CFAP61: variants seen among roughly 807,000 people sequenced by gnomAD.
The protein encoded by CFAP61 is cilia and flagella associated protein 61.
CFAP61 carries 107 observed loss-of-function variants against 135.6 expected under a neutral mutation model. That is an observed-to-expected ratio of 0.79 (90% CI 0.67 to 0.93). The LOEUF is 0.93. Ranked by LOEUF, CFAP61 falls within the 40% of genes least tolerant of loss-of-function variation. The pLI, the probability that CFAP61 is intolerant of heterozygous loss-of-function variation, is 0.00. For synonymous variants in CFAP61, 575 were observed against 578.5 expected, an observed-to-expected ratio of 0.99 and a Z score of 0.09; for missense variants, 1,507 against 1,556.2, an observed-to-expected ratio of 0.97 and a Z score of 0.53.
rs766919114 is a variant in CFAP61 at position 20,199,782 on chromosome 20, C to G, written c.1812C>G (p.Tyr604Ter). The change falls in exon 17 of 27, where the codon TAC (tyrosine) becomes TAG (stop). Residue 604 changes from tyrosine (Y) to a stop codon, truncating the protein, a stop_gained. Coordinates refer to ENST00000245957, the MANE Select transcript of CFAP61 (RefSeq NM_015585.4). LOFTEE classifies it high-confidence loss of function. ...KSREGKFQNP[Y>*]AHSLTSALHY... Reference sequence around the variant, plus strand: ...CTGTCTTTCAGTTCCAGAACCCCTACGCCCACTCCCTGACATCTGCCCTTC... The same window carrying G: ...CTGTCTTTCAGTTCCAGAACCCCTAGGCCCACTCCCTGACATCTGCCCTTC... 1 of 1,614,018 alleles carries G rather than the reference C, an allele frequency of 6.2e-7. No homozygotes were observed. Among genetic ancestry groups the G allele is most frequent in the Admixed American group, 1.7e-5 (1 of 60,004 alleles).
rs528169295 is a variant in CFAP61 at position 20,162,213 on chromosome 20, A to G, written c.1027-1837A>G. ...GCTGCCTCCCTCTTAGCAGATCCCT[A>G]TGATTCCTCTGGGCCCACCCGGATC... is the stretch of plus-strand genomic sequence containing the variant. On this transcript the variant is annotated intron_variant, in intron 10 of 26. Transcript: ENST00000245957. Among the ~76,000 whole-genome samples, 295 of 152,168 alleles carry G rather than the reference A, an allele frequency of 1.9e-3. 1 individual carries two copies. The highest frequency in any genetic ancestry group is 2.9e-3 in the Non-Finnish European group (199 of 67,994).
At chr20:20,088,333 CTATT>C (rs1389294072) in intron 6 of CFAP61, among the ~76,000 whole-genome samples, 3 of 152,132 alleles carry the variant, frequency 2.0e-5, no homozygotes, top group African/African-American at 7.2e-5. Flanking sequence ...TGAGACTAGA[CTATT>C]TATGAAGGAA....
At chr20:20,084,871 A>T (rs552450745) in intron 6 of CFAP61, among the ~76,000 whole-genome samples, 1 of 152,282 alleles carries the variant, frequency 6.6e-6, no homozygotes, top group Admixed American at 6.5e-5. Context: ...GTTCAACTCC[A>T]TTTCACATGG....
intron 15 of CFAP61, among the ~76,000 whole-genome samples, chr20:20,192,700 TC>T (rs2056012035): frequency 6.6e-6 from 1 of 152,124 alleles, no homozygotes; most frequent in Admixed American, 6.5e-5. Context: ...TCATACTGTT[TC>T]CTGATGAGAC....
At chr20:20,317,301 TCACCCCTGGAGGGACTGTTC>T (rs1260791700) in intron 25 of CFAP61, among the ~76,000 whole-genome samples, 11 of 152,110 alleles carry the variant, frequency 7.2e-5, no homozygotes, top group Admixed American at 2.0e-4. Flanking sequence ...CAGATCTGAA[TCACCCCTGGAGGGACTGTTC>T]CACAGTCCCT....
At chr20:20,075,311 C>T in intron 5 of CFAP61, 55 bp downstream of exon 5, 1 of 1,568,566 alleles carries the variant, frequency 6.4e-7, no homozygotes, top group Non-Finnish European at 8.8e-7. Context: ...AAAATTCACT[C>T]CCAGAATGGT....
At chr20:20,172,129 GA>G in intron 13 of CFAP61, 7 of 846,050 alleles carry the variant, frequency 8.3e-6, no homozygotes, top group South Asian at 5.6e-5. Flanking sequence ...AAAAGAAGAG[GA>G]AAAAGGATAC....
chr20:20,180,441 G>GA (rs1281509037), intron 13 of CFAP61, among the ~76,000 whole-genome samples: 1 of 151,994 alleles, frequency 6.6e-6, no homozygotes, highest in African/African-American at 2.4e-5. Flanking sequence ...GATCATTAGA[G>GA]AAATGCAGAT....
intron 17 of CFAP61, chr20:20,200,545 T>C: frequency 8.9e-6 from 2 of 224,298 alleles, no homozygotes; most frequent in Non-Finnish European, 1.5e-5. Flanking sequence ...ATACACACAG[T>C]TTTTTCAATA....
intron 8 of CFAP61, among the ~76,000 whole-genome samples, chr20:20,120,812 A>G (rs2146693157): frequency 1.3e-5 from 2 of 152,266 alleles, no homozygotes; most frequent in South Asian, 4.1e-4. Flanking sequence ...CGAATACTCT[A>G]GTGTTGAGTT....
At chr20:20,086,495 A>G (rs1373704216) in intron 6 of CFAP61, among the ~76,000 whole-genome samples, 1 of 151,600 alleles carries the variant, frequency 6.6e-6, no homozygotes, top group Non-Finnish European at 1.5e-5. Context: ...AAGGACATGA[A>G]CTCATCATTT....
chr20:20,246,011 A>G (rs906193624), intron 18 of CFAP61, 106 bp from the exon 19 acceptor site: 5 of 702,260 alleles, frequency 7.1e-6, no homozygotes, highest in African/African-American at 5.4e-5. Context: ...TCCAAAAGCA[A>G]TTCAACAGTT....
intron 25 of CFAP61, among the ~76,000 whole-genome samples, chr20:20,332,933 T>G (rs960776868): frequency 6.6e-6 from 1 of 152,162 alleles, no homozygotes; most frequent in Non-Finnish European, 1.5e-5. Flanking sequence ...CACATAATTC[T>G]TTAGTGAAAG....
At chr20:20,085,291 G>A in intron 6 of CFAP61, 2 of 985,420 alleles carry the variant, frequency 2.0e-6, no homozygotes, top group South Asian at 9.4e-5. Flanking sequence ...TTCCATAGCT[G>A]GGGTGTTTTG....
intron 7 of CFAP61, among the ~76,000 whole-genome samples, 162 bp downstream of exon 7, chr20:20,091,138 C>A (rs1228890906): frequency 6.6e-6 from 1 of 152,170 alleles, no homozygotes; most frequent in Non-Finnish European, 1.5e-5. Context: ...CAGCTTCCTC[C>A]CCTGGGTTAC....
chr20:20,109,366 G>A (rs1398567653), intron 8 of CFAP61, among the ~76,000 whole-genome samples: 1 of 152,110 alleles, frequency 6.6e-6, no homozygotes. Flanking sequence ...TTTACTCCTT[G>A]CTTGGGGTTT....
intron 25 of CFAP61, among the ~76,000 whole-genome samples, chr20:20,302,445 T>A (rs1050580993): frequency 6.6e-6 from 1 of 152,156 alleles, no homozygotes; most frequent in Non-Finnish European, 1.5e-5. Context: ...GCAGATCACC[T>A]AAAATTGGGA....
chr20:20,175,694 AT>A (rs11087313), intron 13 of CFAP61, among the ~76,000 whole-genome samples: 88,566 of 149,564 alleles, frequency 0.59, 26,828 homozygotes, highest in Middle Eastern at 0.74. Context: ...ACCTGACTAA[AT>A]TTTTTTTTTT....
intron 25 of CFAP61, among the ~76,000 whole-genome samples, chr20:20,324,233 T>C (rs1337110276): frequency 6.6e-6 from 1 of 152,146 alleles, no homozygotes; most frequent in Non-Finnish European, 1.5e-5. Context: ...GATAGAAAAT[T>C]GTACATGGCT....
Sources: gnomAD v4.1 joint callset for allele counts (sites outside exome capture counted in the v4.1 genomes callset) on GRCh38, gnomAD v4.1.1 for gene constraint, MANE v1.5 for transcripts, NCBI Gene and HGNC (gene_info 2026-07-23, HGNC 2026-07-21) for gene names.